Variants in FKBP3 observed in about 807,000 individuals in gnomAD.
The protein encoded by FKBP3 is peptidyl-prolyl cis-trans isomerase FKBP3.
In FKBP3, 21 loss-of-function variants were observed where a neutral mutation model predicts 30.6. The observed-to-expected ratio is 0.69, with a 90% CI of 0.49 to 0.99. The LOEUF (loss-of-function observed/expected upper bound fraction) is 0.99, where lower values mean the gene tolerates loss of function less well. Ranked by LOEUF, FKBP3 falls within the 50% of genes least tolerant of loss-of-function variation. FKBP3 has a pLI of 0.00. For synonymous variants in FKBP3, 82 were observed against 91.3 expected (o/e 0.90, Z 0.58); for missense variants, 283 against 261.6 (o/e 1.08, Z -0.56).
intron 5 of FKBP3, among the ~76,000 whole-genome samples, chr14:45,118,884 T>G (rs1230294166): frequency 6.6e-6 from 1 of 152,146 alleles, no homozygotes; most frequent in African/African-American, 2.4e-5. Flanking sequence ...GAGATGGAGT[T>G]TCGCTCTTGT....
intron 6 of FKBP3, among the ~76,000 whole-genome samples, chr14:45,117,308 T>C (rs909025588): frequency 2.0e-5 from 3 of 152,208 alleles, no homozygotes; most frequent in Non-Finnish European, 4.4e-5. Context: ...AGAGCTATTA[T>C]ATTCCCAAAT....
At chr14:45,118,861 C>CT (rs921634003) in intron 5 of FKBP3, among the ~76,000 whole-genome samples, 10 of 151,872 alleles carry the variant, frequency 6.6e-5, no homozygotes, top group Admixed American at 3.9e-4. Flanking sequence ...ACATTTTTTT[C>CT]TTTTTTTCTT....
At position 45,128,909 on chromosome 14, in the gene FKBP3, G is replaced by A. The variant is rs563845645; in HGVS notation, c.318+885C>T. On this transcript the variant is annotated intron_variant, in intron 3 of 6. Coordinates refer to ENST00000396062, the MANE Select transcript of FKBP3 (RefSeq NM_002013.4). ...AATAATAATTGCTCCATTTACCTTA[G>A]TAGCTACTCAATAGATATAACATTT... Among the ~76,000 whole-genome samples the A allele has an allele frequency of 8.5e-5, 13 of 152,234 alleles. No individual in the cohort carries two copies. The East Asian group carries it at 1.2e-3, about 14-fold the overall frequency.
intron 6 of FKBP3, among the ~76,000 whole-genome samples, chr14:45,117,638 T>C (rs1016730181): frequency 6.6e-6 from 1 of 152,338 alleles, no homozygotes; most frequent in Middle Eastern, 3.4e-3. Flanking sequence ...TTGAATTTAA[T>C]TGCCTGAAAT....
At chr14:45,120,738 A>C in intron 5 of FKBP3, 149 bp downstream of exon 5, 5 of 638,064 alleles carry the variant, frequency 7.8e-6, no homozygotes, top group Non-Finnish European at 1.4e-5. Flanking sequence ...TAACTTGTGC[A>C]AGATCAGCTA....
rs1885194144 is a variant in FKBP3 at position 45,130,719 on chromosome 14, T to G, written c.190A>C (p.Asn64His). The G allele has an allele frequency of 6.2e-7, 1 of 1,604,802 alleles. No individual in the cohort carries two copies. Among genetic ancestry groups the G allele is most frequent in the Non-Finnish European group, 8.5e-7 (1 of 1,174,772 alleles). ...CTCACCTTAGTTTCAAAAAGATGGT[T>G]ATAGGCTGTAACCAAGTGGTCCTTG... The part of the protein sequence containing the change: ...ANKDHLVTAY[N>H]HLFETKRFKG... The change falls in exon 2 of 7, where the codon AAC becomes CAC. Residue 64 changes from asparagine (N) to histidine (H), a missense_variant. Transcript: ENST00000396062.
chr14:45,119,463 G>C (rs1884932998), intron 5 of FKBP3, among the ~76,000 whole-genome samples: 1 of 151,888 alleles, frequency 6.6e-6, no homozygotes, highest in African/African-American at 2.4e-5. Flanking sequence ...CAGCTATTCG[G>C]GAGGCTGAGG....
At chr14:45,134,246 G>A in intron 1 of FKBP3, 103 bp downstream of exon 1, 1 of 975,740 alleles carries the variant, frequency 1.0e-6, no homozygotes, top group Non-Finnish European at 1.5e-6. Flanking sequence ...GCCGCGGGAA[G>A]ACGAGGGCGG....
At chr14:45,118,766 A>G (rs899378731) in intron 5 of FKBP3, among the ~76,000 whole-genome samples, 3 of 152,244 alleles carry the variant, frequency 2.0e-5, no homozygotes, top group African/African-American at 7.2e-5. Flanking sequence ...GTTTATTTTT[A>G]TTGGAATACA....
At chr14:45,122,285 AAAG>A (rs145747841) in intron 3 of FKBP3, among the ~76,000 whole-genome samples, 35,677 of 151,976 alleles carry the variant, frequency 0.23, 5,241 homozygotes, top group East Asian at 0.56. Flanking sequence ...TAATTAAAAA[AAAG>A]AAGAAGTGTA....
At position 45,123,486 on chromosome 14, in the gene FKBP3, C is replaced by T. The variant is rs111907903; in HGVS notation, c.319-1866G>A. On this transcript the variant is annotated intron_variant, in intron 3 of 6. Coordinates refer to ENST00000396062, the MANE Select transcript of FKBP3 (RefSeq NM_002013.4). ...ACCCCTGTCTCTGTCTCTGTGGGAG[C>T]CTGATTTTGATAAGCGCCAGTTGGC... 3.3e-3 allele frequency among the ~76,000 whole-genome samples: 495 copies of T among 151,822 alleles called. 5 individuals are homozygous for T. Among genetic ancestry groups the T allele is most frequent in the African/African-American group, 0.011 (473 of 41,434 alleles).
chr14:45,117,468 G>A (rs1884875145), intron 6 of FKBP3, among the ~76,000 whole-genome samples: 2 of 151,404 alleles, frequency 1.3e-5, no homozygotes, highest in Non-Finnish European at 2.9e-5. Context: ...TTAATGGTCT[G>A]GAGTCATTCC....
At chr14:45,126,255 C>T (rs560673983) in intron 3 of FKBP3, among the ~76,000 whole-genome samples, 4 of 151,400 alleles carry the variant, frequency 2.6e-5, no homozygotes, top group African/African-American at 2.4e-5. Flanking sequence ...TTTGGGAGGC[C>T]GAGGTGGGTG....
At chr14:45,119,696 T>C (rs1205111648) in intron 5 of FKBP3, among the ~76,000 whole-genome samples, 1 of 151,758 alleles carries the variant, frequency 6.6e-6, no homozygotes. Context: ...ACAATTTTTT[T>C]TTTTTTTTTG....
In FKBP3 at chr14:45,121,472, C is replaced by T. The variant is rs1189710690; in HGVS notation, c.454+13G>A. On this transcript the variant is annotated intron_variant, in intron 4 of 6. Coordinates refer to ENST00000396062, the MANE Select transcript of FKBP3 (RefSeq NM_002013.4). Reference sequence around the variant, plus strand: ...TCTTTAAGCCAAAAACATAAGATTCCATTTAGACTTACTTGTTTGAATATT... The same window carrying T: ...TCTTTAAGCCAAAAACATAAGATTCTATTTAGACTTACTTGTTTGAATATT... 3 of 1,607,078 alleles carry T rather than the reference C, an allele frequency of 1.9e-6. No individual in the cohort carries two copies. Among genetic ancestry groups the T allele is most frequent in the African/African-American group, 2.7e-5 (2 of 74,694 alleles).
chr14:45,117,592 A>G (rs1047122281), intron 6 of FKBP3, among the ~76,000 whole-genome samples: 1 of 152,128 alleles, frequency 6.6e-6, no homozygotes, highest in African/African-American at 2.4e-5. Flanking sequence ...TCAGTTCACA[A>G]CTGGTAATCT....
chr14:45,130,936 T>TTA (rs1885199721), intron 1 of FKBP3, 136 bp from the exon 2 acceptor site: 1 of 505,758 alleles, frequency 2.0e-6, no homozygotes, highest in East Asian at 3.2e-5. Flanking sequence ...AGCCTATAGT[T>TTA]TATACTCTTT....
At chr14:45,116,583 C>T (rs1411642432) in intron 6 of FKBP3, among the ~76,000 whole-genome samples, 2 of 151,962 alleles carry the variant, frequency 1.3e-5, no homozygotes, top group African/African-American at 2.4e-5. Flanking sequence ...AGGCCAGGTA[C>T]GGTAGCTCAC....
chr14:45,118,055 TA>T lies in FKBP3; in HGVS notation c.592del (p.Tyr198ThrfsTer23). 2 of 1,606,956 alleles carry T rather than the reference TA, an allele frequency of 1.2e-6. No homozygotes were observed. The highest frequency in any genetic ancestry group is 1.7e-6 in the Non-Finnish European group (2 of 1,177,812). Reference sequence around the variant, plus strand: ...GGCATCAGGCTGTCCTTTCTTTCCGTAAGCCCATTCTGGTTCAATCTCCAGT... The same window carrying T: ...GGCATCAGGCTGTCCTTTCTTTCCGTAGCCCATTCTGGTTCAATCTCCAGT... ...ARLEIEPEWA[Y>X]GKKGQPDAKI... On this transcript the variant is annotated frameshift_variant, in exon 6 of 7. Coordinates refer to ENST00000396062, the MANE Select transcript of FKBP3 (RefSeq NM_002013.4). LOFTEE classifies it high-confidence loss of function.
Sources: gnomAD v4.1 joint callset for allele counts (sites outside exome capture counted in the v4.1 genomes callset) on GRCh38, gnomAD v4.1.1 for gene constraint, MANE v1.5 for transcripts, NCBI Gene and HGNC (gene_info 2026-07-23, HGNC 2026-07-21) for gene names.